The following COL21A1 variants were observed in gnomAD, a reference collection of about 807,000 sequenced individuals.
The protein encoded by COL21A1 is collagen type XXI alpha 1 chain, also known as collagen alpha-1(XXI) chain.
In COL21A1, 149 loss-of-function variants were observed where a neutral mutation model predicts 137.9. The observed-to-expected ratio is 1.08, with a 90% CI of 0.95 to 1.24. The LOEUF (loss-of-function observed/expected upper bound fraction) is 1.24. COL21A1 is among the 50% of genes most tolerant of loss of function. The pLI is 0.00. For missense variants in COL21A1, 1,167 were observed against 1,158.4 expected, an observed-to-expected ratio of 1.01 and a Z score of -0.11; for synonymous variants, 456 against 391.5, an observed-to-expected ratio of 1.16 and a Z score of -1.95.
intron 1 of COL21A1, among the ~76,000 whole-genome samples, chr6:56,337,505 AC>A (rs1765356079): frequency 6.6e-6 from 1 of 152,180 alleles, no homozygotes; most frequent in Non-Finnish European, 1.5e-5. Flanking sequence ...CTTATTCTCA[AC>A]CACCAATCCA....
At chr6:56,391,617 C>A (rs2094029830) in intron 1 of COL21A1, among the ~76,000 whole-genome samples, 2 of 152,032 alleles carry the variant, frequency 1.3e-5, no homozygotes, top group Middle Eastern at 3.4e-3. Flanking sequence ...AAAACGAATA[C>A]TACAGAAATT....
chr6:56,287,254 C>T (rs981868120), intron 1 of COL21A1, among the ~76,000 whole-genome samples: 2 of 152,012 alleles, frequency 1.3e-5, no homozygotes, highest in African/African-American at 4.8e-5. Flanking sequence ...ACATTGTGGC[C>T]CTGTGGTGGA....
At chr6:56,368,782 C>T (rs1018646506) in intron 1 of COL21A1, among the ~76,000 whole-genome samples, 10 of 152,258 alleles carry the variant, frequency 6.6e-5, no homozygotes, top group African/African-American at 2.4e-4. Flanking sequence ...TGTTCCTATT[C>T]TCAGTGGTGC....
intron 1 of COL21A1, among the ~76,000 whole-genome samples, chr6:56,297,681 A>C (rs1422295403): frequency 6.6e-6 from 1 of 152,150 alleles, no homozygotes; most frequent in African/African-American, 2.4e-5. Flanking sequence ...TCCCTAAAAA[A>C]CAAGCATGTT....
At chr6:56,372,234 A>G (rs550102561) in intron 1 of COL21A1, among the ~76,000 whole-genome samples, 2 of 152,336 alleles carry the variant, frequency 1.3e-5, no homozygotes, top group African/African-American at 4.8e-5. Flanking sequence ...TTGACCCTGC[A>G]ACTGGACATA....
At chr6:56,295,377 A>G (rs894115392) in intron 1 of COL21A1, among the ~76,000 whole-genome samples, 2 of 151,956 alleles carry the variant, frequency 1.3e-5, no homozygotes, top group Non-Finnish European at 1.5e-5. Flanking sequence ...AAGTCCAGCT[A>G]TGTCGACCTG....
At chr6:56,241,487 A>C (rs181868611) in intron 1 of COL21A1, among the ~76,000 whole-genome samples, 112 of 152,338 alleles carry the variant, frequency 7.4e-4, no homozygotes, top group African/African-American at 2.4e-3. Context: ...TCTCATTTCA[A>C]AACTCAGCCT....
chr6:56,386,263 GGCTGAATAAT>G (rs2094018022), intron 1 of COL21A1, among the ~76,000 whole-genome samples: 1 of 152,086 alleles, frequency 6.6e-6, no homozygotes, highest in Non-Finnish European at 1.5e-5. Flanking sequence ...TCCTTTTTAT[GGCTGAATAAT>G]ACCCCATTGT....
chr6:56,115,180 A>T (rs1478284798), intron 16 of COL21A1, among the ~76,000 whole-genome samples: 1 of 151,276 alleles, frequency 6.6e-6, no homozygotes, highest in South Asian at 2.1e-4. Context: ...GCATTGGGAG[A>T]TATACCTAAT....
intron 1 of COL21A1, among the ~76,000 whole-genome samples, chr6:56,351,998 G>A (rs974055207): frequency 2.6e-5 from 4 of 152,152 alleles, no homozygotes; most frequent in Middle Eastern, 3.2e-3. Flanking sequence ...GCCAGGTGCA[G>A]TTGTACACAC....
At chr6:56,238,238 C>T (rs982388097) in intron 1 of COL21A1, among the ~76,000 whole-genome samples, 2 of 151,856 alleles carry the variant, frequency 1.3e-5, no homozygotes, top group African/African-American at 4.8e-5. Flanking sequence ...ACTGAGTGCT[C>T]CAGGACAGGA....
rs139422796 is a variant in COL21A1 at position 56,211,852 on chromosome 6, C to T, written c.-38-29196G>A. Among the ~76,000 whole-genome samples the T allele has an allele frequency of 5.6e-3, 846 of 152,206 alleles. 9 individuals carry two copies. The highest frequency in any genetic ancestry group is 0.019 in the African/African-American group (805 of 41,552). Reference sequence around the variant, plus strand: ...TAATAAAATACATCAATCTATACCACTTTTATCAAAACCCAATGAATATTT... The same window carrying T: ...TAATAAAATACATCAATCTATACCATTTTTATCAAAACCCAATGAATATTT... On this transcript the variant is annotated intron_variant, in intron 1 of 29. Transcript: ENST00000244728.
chr6:56,080,108 T>C (rs1002869351), intron 17 of COL21A1, among the ~76,000 whole-genome samples: 1 of 151,784 alleles, frequency 6.6e-6, no homozygotes, highest in South Asian at 2.1e-4. Flanking sequence ...AAGTTAGCAG[T>C]AATATTATCC....
Position 56,060,065 on chromosome 6 carries a change from G to A in COL21A1, c.2561C>T (p.Pro854Leu), listed in dbSNP as rs769828742. ...LPGLPGRDGVPGLVGVPGRPG... is the reference protein window; with the variant it reads ...LPGLPGRDGVLGLVGVPGRPG... ...ACGTCCAGGGACACCCACTAATCCA[G>A]GAACACCATCTCTTCCTGGCAAACC... The change falls in exon 28 of 30, where the codon CCT becomes CTT. Residue 854 changes from proline (P) to leucine (L), a missense_variant. Transcript: ENST00000244728. 2 of 1,610,294 alleles carry A rather than the reference G, an allele frequency of 1.2e-6. No individual in the cohort carries two copies. The highest frequency in any genetic ancestry group is 3.4e-5 in the Admixed American group (2 of 58,870).
At chr6:56,084,251 T>A (rs982736150) in intron 17 of COL21A1, among the ~76,000 whole-genome samples, 6 of 150,928 alleles carry the variant, frequency 4.0e-5, no homozygotes, top group African/African-American at 1.5e-4. Flanking sequence ...ATAAGAGAGA[T>A]TAGATTGCTT....
intron 1 of COL21A1, among the ~76,000 whole-genome samples, chr6:56,324,888 C>T (rs1288332468): frequency 6.6e-6 from 1 of 151,786 alleles, no homozygotes; most frequent in Non-Finnish European, 1.5e-5. Context: ...CTTATCTTGC[C>T]CCAAAGCAGA....
intron 1 of COL21A1, among the ~76,000 whole-genome samples, chr6:56,290,498 G>GTTTGT (rs371058894): frequency 7.5e-6 from 1 of 132,960 alleles, no homozygotes; most frequent in Admixed American, 8.2e-5. Context: ...TCACTTAGGA[G>GTTTGT]ATTTTTTTTT....
intron 1 of COL21A1, among the ~76,000 whole-genome samples, chr6:56,259,781 A>G (rs1454964633): frequency 6.6e-6 from 1 of 152,240 alleles, no homozygotes; most frequent in Non-Finnish European, 1.5e-5. Flanking sequence ...TGCTACAGTC[A>G]GTCTGCAAAG....
intron 1 of COL21A1, among the ~76,000 whole-genome samples, chr6:56,301,916 C>T (rs1764304640): frequency 6.6e-6 from 1 of 151,878 alleles, no homozygotes; most frequent in African/African-American, 2.4e-5. Flanking sequence ...GTCCCATGCT[C>T]CCCTTCCTGC....
Sources: gnomAD v4.1 joint callset for allele counts (sites outside exome capture counted in the v4.1 genomes callset) on GRCh38, gnomAD v4.1.1 for gene constraint, MANE v1.5 for transcripts, NCBI Gene and HGNC (gene_info 2026-07-23, HGNC 2026-07-21) for gene names.